The following UBR3 variants were observed in gnomAD, a reference collection of about 807,000 sequenced individuals.
UBR3 encodes the protein E3 ubiquitin-protein ligase UBR3.
Under a neutral mutation model 243.2 loss-of-function variants are expected in UBR3, and 85 were observed. The ratio of observed to expected loss-of-function variants is 0.35; its 90% confidence interval spans 0.29 to 0.42. UBR3 has a LOEUF of 0.42. UBR3 is among the 10% of genes least tolerant of loss of function. The pLI, the probability that UBR3 is intolerant of heterozygous loss-of-function variation, is 1.00. For synonymous variants in UBR3, 748 were observed against 799.8 expected (o/e 0.94, Z 1.09); for missense variants, 1,686 against 2,300.8 (o/e 0.73, Z 5.47).
chr2:169,857,573 C>T (rs1309593313), intron 1 of UBR3, among the ~76,000 whole-genome samples: 1 of 148,070 alleles, frequency 6.8e-6, no homozygotes, highest in Non-Finnish European at 1.5e-5. Context: ...CCTGCCACCA[C>T]GTCTGACTAA....
At chr2:169,996,804 A>T (rs190634149) in intron 26 of UBR3, among the ~76,000 whole-genome samples, 357 of 148,452 alleles carry the variant, frequency 2.4e-3, no homozygotes, top group South Asian at 6.0e-3. Flanking sequence ...GGTTCAAATG[A>T]TTCCCCTGCC....
At chr2:169,878,493 T>C in intron 4 of UBR3, 32 bp from the exon 5 acceptor site, 2 of 1,542,130 alleles carry the variant, frequency 1.3e-6, no homozygotes, top group South Asian at 1.2e-5. Flanking sequence ...GTAGCAACTA[T>C]GAAGGACAAC....
intron 5 of UBR3, among the ~76,000 whole-genome samples, chr2:169,881,785 A>T (rs918600847): frequency 7.2e-6 from 1 of 138,564 alleles, no homozygotes; most frequent in African/African-American, 2.6e-5. Context: ...TATAATATAT[A>T]TGTATATTTA....
chr2:169,917,386 C>T (rs559600690), intron 11 of UBR3, among the ~76,000 whole-genome samples: 1 of 152,272 alleles, frequency 6.6e-6, no homozygotes, highest in South Asian at 2.1e-4. Flanking sequence ...ATCCAGTTTT[C>T]TTTGGTATTT....
intron 33 of UBR3, among the ~76,000 whole-genome samples, chr2:170,058,819 T>C (rs1393750489): frequency 6.6e-6 from 1 of 152,194 alleles, no homozygotes; most frequent in Non-Finnish European, 1.5e-5. Flanking sequence ...CCCAGCCTAC[T>C]AGAATTTCTT....
rs115692151 is a variant in UBR3 at position 170,077,515 on chromosome 2, T to G, written c.5200-2299T>G. ...GATGAATCTTCCATAGATAAGTAGT[T>G]TTCTTGTAAAGCCATCTCCAACAAA... On this transcript the variant is annotated intron_variant, in intron 36 of 38. Coordinates refer to ENST00000272793, the MANE Select transcript of UBR3 (RefSeq NM_172070.4). 14 of 1,006,986 alleles carry G rather than the reference T, an allele frequency of 1.4e-5. No homozygotes were observed. The East Asian group carries it at 3.5e-4, about 26-fold the overall frequency. 62.4% of individuals were successfully genotyped at this position (1,006,986 alleles called of 1,614,324 possible). A position where few individuals can be genotyped will look rare whatever the true frequency, so the allele number is the denominator to read the frequency against.
chr2:170,080,210 T>A (rs1031775), intron 37 of UBR3, 187 bp downstream of exon 37: 119,264 of 618,146 alleles, frequency 0.19, 13,067 homozygotes, highest in East Asian at 0.36. Flanking sequence ...AGTGAGTAAA[T>A]CCTTCCTTAA....
At chr2:169,988,025 T>C (rs548949392) in intron 25 of UBR3, among the ~76,000 whole-genome samples, 22 of 152,234 alleles carry the variant, frequency 1.4e-4, no homozygotes, top group Non-Finnish European at 2.6e-4. Flanking sequence ...CTAAAATGAA[T>C]TGATTTGGGA....
intron 17 of UBR3, 79 bp from the exon 18 acceptor site, chr2:169,928,648 A>G (rs1347333755): frequency 8.2e-7 from 1 of 1,215,708 alleles, no homozygotes; most frequent in Non-Finnish European, 1.1e-6. Context: ...CTTCAGCAAA[A>G]TGAGAAACTA....
intron 1 of UBR3, among the ~76,000 whole-genome samples, chr2:169,864,467 T>A (rs532383997): frequency 1.3e-5 from 2 of 152,212 alleles, no homozygotes; most frequent in East Asian, 3.9e-4. Flanking sequence ...TGGATGCCCT[T>A]AAAATAATTT....
chr2:169,974,482 C>T, intron 24 of UBR3, among the ~76,000 whole-genome samples: 1 of 151,978 alleles, frequency 6.6e-6, no homozygotes, highest in East Asian at 1.9e-4. Flanking sequence ...TCTAATGACC[C>T]TTTGTATTTC....
intron 8 of UBR3, among the ~76,000 whole-genome samples, chr2:169,900,824 A>T (rs1345649782): frequency 2.7e-5 from 4 of 150,902 alleles, no homozygotes; most frequent in African/African-American, 9.8e-5. Flanking sequence ...GTTCACTCCC[A>T]TTGTTCTATT....
At chr2:169,935,314 C>T (rs2086285340) in intron 19 of UBR3, among the ~76,000 whole-genome samples, 1 of 152,150 alleles carries the variant, frequency 6.6e-6, no homozygotes, top group Non-Finnish European at 1.5e-5. Context: ...TACAGGTGCA[C>T]ACCACCATGC....
At chr2:169,901,308 A>G (rs2084811952) in intron 8 of UBR3, among the ~76,000 whole-genome samples, 2 of 152,188 alleles carry the variant, frequency 1.3e-5, no homozygotes, top group South Asian at 4.1e-4. Flanking sequence ...AGATCTTTAA[A>G]TATAATTTTT....
intron 30 of UBR3, among the ~76,000 whole-genome samples, chr2:170,025,885 A>G (rs2090516230): frequency 6.6e-6 from 1 of 152,174 alleles, no homozygotes; most frequent in African/African-American, 2.4e-5. Flanking sequence ...CATTCACTCA[A>G]ATAGGAATTT....
At chr2:170,069,053 AAG>A (rs2091640894) in intron 35 of UBR3, among the ~76,000 whole-genome samples, 1 of 152,172 alleles carries the variant, frequency 6.6e-6, no homozygotes, top group Admixed American at 6.5e-5. Flanking sequence ...TGAGACATTT[AAG>A]AAAGAAATTG....
At chr2:169,890,595 A>ATATATATATGTGTATATATATATATG (rs1559064581) in intron 5 of UBR3, among the ~76,000 whole-genome samples, 1 of 96,216 alleles carries the variant, frequency 1.0e-5, no homozygotes, top group Non-Finnish European at 2.3e-5. Flanking sequence ...ATATATATGT[A>ATATATATATGTGTATATATATATATG]TATATATGTA....
At position 169,926,672 on chromosome 2, in the gene UBR3, C is replaced by A. The variant is rs1249965744; in HGVS notation, c.2152-20C>A. The A allele has an allele frequency of 5.2e-6, 8 of 1,525,262 alleles. No individual in the cohort carries two copies. The East Asian group carries it at 1.5e-4, about 28-fold the overall frequency. The allele number at this position is 1,525,262 out of a possible 1,614,324, so 94.5% of individuals were successfully genotyped here. A position where few individuals can be genotyped will look rare whatever the true frequency, so the allele number is the denominator to read the frequency against. On this transcript the variant is annotated intron_variant, in intron 14 of 38. Coordinates refer to ENST00000272793, the MANE Select transcript of UBR3 (RefSeq NM_172070.4). ...GAAAACTGAATATTGAGAAATAAAG[C>A]ATTTTGTTTTCTTTTAAAGGTTTGT...
chr2:169,900,501 A>C (rs1041113316), intron 8 of UBR3, among the ~76,000 whole-genome samples: 1 of 152,128 alleles, frequency 6.6e-6, no homozygotes, highest in Non-Finnish European at 1.5e-5. Flanking sequence ...GTTTAATTAG[A>C]TCCCATTTGT....
Sources: allele counts gnomAD v4.1 joint callset (sites outside exome capture counted in the v4.1 genomes callset), GRCh38; gene constraint gnomAD v4.1.1; transcripts MANE v1.5; gene names NCBI Gene and HGNC (gene_info 2026-07-23, HGNC 2026-07-21).